Variants in CACNA2D3 observed in about 807,000 individuals in gnomAD.
CACNA2D3 encodes voltage-dependent calcium channel subunit alpha-2/delta-3.
In CACNA2D3, 60 loss-of-function variants were observed where a neutral mutation model predicts 160.6. That is an observed-to-expected ratio of 0.37 (90% CI 0.30 to 0.46). The LOEUF is 0.46. CACNA2D3 is among the 20% of genes least tolerant of loss of function. CACNA2D3 has a pLI of 1.00. For missense variants in CACNA2D3, 1,205 were observed against 1,365.0 expected, an observed-to-expected ratio of 0.88 and a Z score of 1.85; for synonymous variants, 558 against 492.9, an observed-to-expected ratio of 1.13 and a Z score of -1.75.
At chr3:55,034,501 C>A (rs1703770636) in intron 35 of CACNA2D3, among the ~76,000 whole-genome samples, 1 of 151,946 alleles carries the variant, frequency 6.6e-6, no homozygotes. Context: ...AAAAGCATAG[C>A]TCATCATAAT....
chr3:54,511,515 A>G (rs189800882), intron 5 of CACNA2D3, among the ~76,000 whole-genome samples: 65 of 152,064 alleles, frequency 4.3e-4, no homozygotes, highest in Non-Finnish European at 8.2e-4. Context: ...TTAAATTTTG[A>G]TTCTTGTTTG....
At chr3:54,814,088 C>G (rs1380069191) in intron 13 of CACNA2D3, among the ~76,000 whole-genome samples, 1 of 151,948 alleles carries the variant, frequency 6.6e-6, no homozygotes, top group Admixed American at 6.6e-5. Context: ...AGGCTGGTCT[C>G]AAACTCCTGG....
intron 14 of CACNA2D3, among the ~76,000 whole-genome samples, chr3:54,820,979 G>A (rs11924053): frequency 6.6e-6 from 1 of 152,014 alleles, no homozygotes; most frequent in Non-Finnish European, 1.5e-5. Flanking sequence ...TTTAATCAAC[G>A]TAGAGTGGGC....
intron 4 of CACNA2D3, among the ~76,000 whole-genome samples, chr3:54,449,134 G>C (rs1700265076): frequency 6.6e-6 from 1 of 152,184 alleles, no homozygotes; most frequent in African/African-American, 2.4e-5. Flanking sequence ...ATGGAGTAAA[G>C]AAGCTGGATC....
intron 11 of CACNA2D3, among the ~76,000 whole-genome samples, chr3:54,653,167 G>T (rs1184679032): frequency 1.3e-5 from 2 of 152,178 alleles, no homozygotes; most frequent in South Asian, 2.1e-4. Context: ...TGTCCTAGGA[G>T]ACATGGACTT....
rs574320406 is a variant in CACNA2D3 at position 54,374,944 on chromosome 3, C to T, written c.322-11771C>T. 9.4e-4 allele frequency among the ~76,000 whole-genome samples: 143 copies of T among 152,306 alleles called. 3 individuals are homozygous for T. Among genetic ancestry groups the T allele is most frequent in the African/African-American group, 3.2e-3 (133 of 41,564 alleles). The stretch of plus-strand genomic sequence containing the variant: ...TCCTTTCTCACTAGCTCCCTGCCCC[C>T]GACACAGGCTCCCCTCCACATAATC... On this transcript the variant is annotated intron_variant, in intron 3 of 37. Transcript: ENST00000474759.
chr3:54,946,493 G>A (rs1021617491), intron 27 of CACNA2D3, among the ~76,000 whole-genome samples: 6 of 152,174 alleles, frequency 3.9e-5, no homozygotes, highest in Admixed American at 1.3e-4. Flanking sequence ...AAGGAGGGGG[G>A]ATGTGAGGGC....
chr3:54,963,684 G>A (rs940342017), intron 27 of CACNA2D3, among the ~76,000 whole-genome samples: 6 of 152,106 alleles, frequency 3.9e-5, no homozygotes, highest in East Asian at 3.9e-4. Context: ...CCCTGCATTC[G>A]TTTCTGTCAG....
chr3:55,025,685 A>G (rs1389811123), intron 35 of CACNA2D3, among the ~76,000 whole-genome samples: 1 of 149,366 alleles, frequency 6.7e-6, no homozygotes, highest in Non-Finnish European at 1.5e-5. Context: ...AGAGATTTAT[A>G]TCAGTCATGG....
rs866507658 is a variant in CACNA2D3 at position 54,901,023 on chromosome 3, A to T, written c.2449+1155A>T. ...ACCTATTCTTAATCAGCCAGGAGAT[A>T]TGGGCTCTGAGGATTCACAGTTGCT... On this transcript the variant is annotated intron_variant, in intron 27 of 37. Coordinates refer to ENST00000474759, the MANE Select transcript of CACNA2D3 (RefSeq NM_018398.3). 3 of 152,322 alleles carry T rather than the reference A, an allele frequency of 2.0e-5. No homozygotes were observed. In the South Asian group the frequency reaches 6.2e-4, roughly 32 times the overall value. 9.4% of individuals were successfully genotyped at this position (152,322 alleles called of 1,614,324 possible).
intron 35 of CACNA2D3, among the ~76,000 whole-genome samples, chr3:55,029,344 C>A (rs1037127168): frequency 6.6e-6 from 1 of 152,146 alleles, no homozygotes; most frequent in Admixed American, 6.6e-5. Flanking sequence ...ATAGTCCATG[C>A]CTCTTAGGAT....
At chr3:54,329,970 A>G (rs998408998) in intron 3 of CACNA2D3, among the ~76,000 whole-genome samples, 4 of 152,164 alleles carry the variant, frequency 2.6e-5, no homozygotes, top group African/African-American at 7.2e-5. Context: ...CATTTTCTAA[A>G]TTAGGTTATG....
intron 11 of CACNA2D3, among the ~76,000 whole-genome samples, chr3:54,670,920 T>C (rs1293494133): frequency 6.6e-6 from 1 of 152,164 alleles, no homozygotes; most frequent in African/African-American, 2.4e-5. Context: ...CTCCCTGCCT[T>C]CCTTCACCCA....
chr3:54,444,964 C>T (rs1700197840), intron 4 of CACNA2D3, among the ~76,000 whole-genome samples: 1 of 152,246 alleles, frequency 6.6e-6, no homozygotes, highest in African/African-American at 2.4e-5. Flanking sequence ...CATTTCTACC[C>T]TCTCCCAACC....
At chr3:55,038,615 T>G (rs1703884666) in intron 35 of CACNA2D3, among the ~76,000 whole-genome samples, 1 of 152,032 alleles carries the variant, frequency 6.6e-6, no homozygotes, top group Non-Finnish European at 1.5e-5. Context: ...AGAATTCATG[T>G]TAGCCTGTTA....
At chr3:54,743,523 G>T (rs561990749) in intron 11 of CACNA2D3, among the ~76,000 whole-genome samples, 1 of 152,280 alleles carries the variant, frequency 6.6e-6, no homozygotes, top group South Asian at 2.1e-4. Context: ...GCACTGGAGG[G>T]CTTTAAGCTA....
intron 4 of CACNA2D3, among the ~76,000 whole-genome samples, chr3:54,454,423 TTTA>T (rs1700361587): frequency 6.6e-6 from 1 of 152,192 alleles, no homozygotes; most frequent in South Asian, 2.1e-4. Flanking sequence ...CTGATTGGCT[TTTA>T]TTATTATAAC....
intron 9 of CACNA2D3, among the ~76,000 whole-genome samples, chr3:54,584,186 C>A (rs2106743813): frequency 6.6e-6 from 1 of 152,086 alleles, no homozygotes; most frequent in African/African-American, 2.4e-5. Flanking sequence ...ATGCCACGAA[C>A]TGGGAAAATC....
At chr3:54,157,599 G>C (rs1700266654) in intron 2 of CACNA2D3, among the ~76,000 whole-genome samples, 1 of 152,114 alleles carries the variant, frequency 6.6e-6, no homozygotes, top group African/African-American at 2.4e-5. Flanking sequence ...AGACCAGCCT[G>C]ACCAACATGG....
Sources: allele counts gnomAD v4.1 joint callset (sites outside exome capture counted in the v4.1 genomes callset), GRCh38; gene constraint gnomAD v4.1.1; transcripts MANE v1.5; gene names NCBI Gene and HGNC (gene_info 2026-07-23, HGNC 2026-07-21).